NFAT5: variants seen among roughly 807,000 people sequenced by gnomAD.
NFAT5 encodes nuclear factor of activated T cells 5, also known as nuclear factor of activated T-cells 5.
NFAT5 carries 31 observed loss-of-function variants against 166.5 expected under a neutral mutation model. That is an observed-to-expected ratio of 0.19 (90% CI 0.14 to 0.25). NFAT5 has a LOEUF of 0.25. Among genes scored for constraint, NFAT5 ranks in the 10% least tolerant of loss-of-function variants. NFAT5 has a pLI of 1.00. For missense variants in NFAT5, 1,449 were observed against 1,821.8 expected (o/e 0.80, Z 3.72); for synonymous variants, 612 against 639.7 (o/e 0.96, Z 0.65).
intron 13 of NFAT5, 76 bp downstream of exon 13, chr16:69,694,315 C>A: frequency 9.0e-7 from 1 of 1,116,302 alleles, no homozygotes; most frequent in Non-Finnish European, 1.3e-6. Flanking sequence ...GTGGTGCGAT[C>A]TCAGCTCACT....
In NFAT5 at chr16:69,647,880, A is replaced by G. The variant is rs1395071076; in HGVS notation, c.812+294A>G. On this transcript the variant is annotated intron_variant, in intron 4 of 14. Coordinates refer to ENST00000349945, the MANE Select transcript of NFAT5 (RefSeq NM_138713.4). The surrounding 1 kb of genome is among the most constrained non-coding windows in gnomAD (Gnocchi z 4.8). ...TCAAATGAATTTATATTTTAAAAGG[A>G]CTTTTACTCAGCCAGGTGCGGTGGC... Among the ~76,000 whole-genome samples the G allele has an allele frequency of 6.6e-6, 1 of 152,092 alleles. No homozygotes were observed. Among genetic ancestry groups the G allele is most frequent in the East Asian group, 1.9e-4 (1 of 5,196 alleles).
chr16:69,655,862 G>A, intron 6 of NFAT5, 63 bp downstream of exon 6: 1 of 1,236,222 alleles, frequency 8.1e-7, no homozygotes, highest in African/African-American at 1.5e-5. Context: ...GAATTGTTCA[G>A]TTTCTAATGT....
At chr16:69,642,710 G>A (rs1022037383) in intron 3 of NFAT5, among the ~76,000 whole-genome samples, 4 of 151,538 alleles carry the variant, frequency 2.6e-5, no homozygotes, top group East Asian at 1.9e-4. Context: ...CCAGCTACTC[G>A]GGAGGCTAAG....
chr16:69,608,319 T>C (rs2033523674), intron 2 of NFAT5, among the ~76,000 whole-genome samples: 1 of 152,192 alleles, frequency 6.6e-6, no homozygotes, highest in Admixed American at 6.5e-5. Context: ...ACTACTCAAC[T>C]AGATACTCTA....
At chr16:69,631,073 T>C (rs1336882410) in intron 3 of NFAT5, among the ~76,000 whole-genome samples, 1 of 152,246 alleles carries the variant, frequency 6.6e-6, no homozygotes, top group African/African-American at 2.4e-5. Context: ...TTTCAAAATA[T>C]ATTTTTCTAA....
Position 69,692,603 on chromosome 16 carries a change from T to G in NFAT5, c.2778T>G (p.Ala926=). 1 of 1,614,274 alleles carries G rather than the reference T, an allele frequency of 6.2e-7. No individual in the cohort carries two copies. Among genetic ancestry groups the G allele is most frequent in the Non-Finnish European group, 8.5e-7 (1 of 1,180,054 alleles). The part of the protein sequence containing the change: ...MEMQQSICQA[A]AQIQSELFPS... ...TGCAACAGAGTATCTGCCAGGCAGC[T>G]GCCCAGATTCAGTCAGAGTTATTCC... The change falls in exon 13 of 15, where the codon GCT becomes GCG. Residue 926 remains alanine (A), a synonymous_variant. Coordinates refer to ENST00000349945, the MANE Select transcript of NFAT5 (RefSeq NM_138713.4).
chr16:69,612,335 G>A (rs1346292367), intron 2 of NFAT5, among the ~76,000 whole-genome samples: 1 of 152,124 alleles, frequency 6.6e-6, no homozygotes. Context: ...AACCTGAGGG[G>A]TGTCAAAAAG....
chr16:69,583,224 T>C (rs1442231525), intron 2 of NFAT5, among the ~76,000 whole-genome samples: 1 of 152,010 alleles, frequency 6.6e-6, no homozygotes, highest in South Asian at 2.1e-4. Flanking sequence ...AGGGATGGGG[T>C]CTCATTCTGT....
intron 2 of NFAT5, among the ~76,000 whole-genome samples, chr16:69,571,595 T>C (rs13338560): frequency 0.16 from 24,402 of 152,058 alleles, 2,134 homozygotes; most frequent in East Asian, 0.36. Flanking sequence ...TAGATTTTCA[T>C]CTATAAATAG....
Position 69,650,423 on chromosome 16 carries a change from GAT to G in NFAT5, c.813-2811_813-2810del, listed in dbSNP as rs528967804. On this transcript the variant is annotated intron_variant, in intron 4 of 14. Coordinates refer to ENST00000349945, the MANE Select transcript of NFAT5 (RefSeq NM_138713.4). The stretch of plus-strand genomic sequence containing the variant: ...CCATTTTTACATTTTAGAAAAAAAA[GAT>G]AGTTTTAAGAACTTCTAAAGTACCA... Among the ~76,000 whole-genome samples, 412 of 152,094 alleles carry G rather than the reference GAT, an allele frequency of 2.7e-3. 2 individuals are homozygous for G. The highest frequency in any genetic ancestry group is 4.3e-3 in the Non-Finnish European group (291 of 67,920).
chr16:69,699,762 T>G lies in NFAT5; in HGVS notation c.*3411T>G, dbSNP rs7359387. The G allele has an allele frequency of 0.16, 23,654 of 152,508 alleles. 1,990 individuals carry two copies. Among genetic ancestry groups the G allele is most frequent in the East Asian group, 0.36 (1,882 of 5,166 alleles). 9.4% of individuals were successfully genotyped at this position (152,508 alleles called of 1,614,324 possible). Reference sequence around the variant, plus strand: ...ACCTTTTCTTCTTTATATTGTTACATTTAAGTGTTCTTGCTTTCAGCAACT... The same window carrying G: ...ACCTTTTCTTCTTTATATTGTTACAGTTAAGTGTTCTTGCTTTCAGCAACT... On this transcript the variant is annotated 3_prime_UTR_variant, in exon 15 of 15. Coordinates refer to ENST00000349945, the MANE Select transcript of NFAT5 (RefSeq NM_138713.4).
chr16:69,648,424 T>G (rs2035538090), intron 4 of NFAT5: 6 of 982,330 alleles, frequency 6.1e-6, no homozygotes, highest in Non-Finnish European at 7.3e-6. Context: ...CCTTTGATAC[T>G]AATACATTGA....
At chr16:69,681,135 A>C (rs2037042829) in intron 10 of NFAT5, among the ~76,000 whole-genome samples, 1 of 152,138 alleles carries the variant, frequency 6.6e-6, no homozygotes, top group African/African-American at 2.4e-5. Context: ...AGAGAATATG[A>C]TTTCAGGAAA....
intron 2 of NFAT5, among the ~76,000 whole-genome samples, chr16:69,607,049 A>G (rs1158084546): frequency 2.0e-5 from 3 of 152,202 alleles, no homozygotes; most frequent in Admixed American, 1.3e-4. Flanking sequence ...AGTAGCTCCA[A>G]TTAATATATT....
chr16:69,609,121 A>AG (rs200111954), intron 2 of NFAT5, among the ~76,000 whole-genome samples: 1 of 139,504 alleles, frequency 7.2e-6, no homozygotes, highest in Middle Eastern at 3.6e-3. Flanking sequence ...ACTCCGCCTC[A>AG]AAAAAAAAAA....
intron 10 of NFAT5, among the ~76,000 whole-genome samples, chr16:69,683,144 G>T (rs2037140584): frequency 6.6e-6 from 1 of 152,212 alleles, no homozygotes; most frequent in Non-Finnish European, 1.5e-5. Context: ...CCAGGAGGCG[G>T]AGGTTGCAGT....
At position 69,626,383 on chromosome 16, in the gene NFAT5, T is replaced by A; in HGVS notation, c.128-20T>A. 2 of 1,550,572 alleles carry A rather than the reference T, an allele frequency of 1.3e-6. No individual in the cohort carries two copies. The highest frequency in any genetic ancestry group is 1.7e-6 in the Non-Finnish European group (2 of 1,155,570). ...ATCTCTTTTAAAAATTGTTTTCTCC[T>A]CTCTTTCCCCTCCCCACAGAATCTG... On this transcript the variant is annotated intron_variant, in intron 2 of 14. Coordinates refer to ENST00000349945, the MANE Select transcript of NFAT5 (RefSeq NM_138713.4).
At chr16:69,582,045 A>G (rs2031735072) in intron 2 of NFAT5, among the ~76,000 whole-genome samples, 1 of 152,178 alleles carries the variant, frequency 6.6e-6, no homozygotes. Flanking sequence ...AGGGCGGATC[A>G]TTTGAGGTCA....
intron 1 of NFAT5, 53 bp from the exon 2 acceptor site, chr16:69,568,442 A>AT (rs2016243598): frequency 6.7e-7 from 1 of 1,492,430 alleles, no homozygotes; most frequent in South Asian, 1.2e-5. Context: ...TATCCTTGGC[A>AT]TTTTTTTCCT....
Sources: allele counts gnomAD v4.1 joint callset (sites outside exome capture counted in the v4.1 genomes callset), GRCh38; gene constraint gnomAD v4.1.1; non-coding constraint Gnocchi (gnomAD v3.1); transcripts MANE v1.5; gene names NCBI Gene and HGNC (gene_info 2026-07-23, HGNC 2026-07-21).